Variants in MACROD2 observed in about 807,000 individuals in gnomAD.
MACROD2 encodes the protein mono-ADP ribosylhydrolase 2, also known as ADP-ribose glycohydrolase MACROD2.
In MACROD2, 36 loss-of-function variants were observed where a neutral mutation model predicts 70.4. The observed-to-expected ratio is 0.51, with a 90% CI of 0.39 to 0.68. The LOEUF (loss-of-function observed/expected upper bound fraction) is 0.68, where lower values mean the gene tolerates loss of function less well. Among genes scored for constraint, MACROD2 ranks in the 30% least tolerant of loss-of-function variants. The pLI is 0.00. For missense variants in MACROD2, 496 were observed against 538.4 expected (o/e 0.92, Z 0.78); for synonymous variants, 172 against 178.8 (o/e 0.96, Z 0.30).
intron 5 of MACROD2, among the ~76,000 whole-genome samples, chr20:14,782,992 A>G (rs1193698127): frequency 2.0e-5 from 3 of 152,114 alleles, no homozygotes; most frequent in Non-Finnish European, 2.9e-5. Context: ...TACCTCTCAG[A>G]AGCCAGGGAG....
intron 6 of MACROD2, among the ~76,000 whole-genome samples, chr20:15,264,477 C>T (rs563383678): frequency 2.0e-5 from 3 of 152,206 alleles, no homozygotes; most frequent in African/African-American, 7.2e-5. Flanking sequence ...TGAGGTCCCA[C>T]AGAGTGTGAG....
chr20:15,726,507 CTA>C (rs2050864455), intron 8 of MACROD2, among the ~76,000 whole-genome samples: 1 of 152,148 alleles, frequency 6.6e-6, no homozygotes, highest in Non-Finnish European at 1.5e-5. Flanking sequence ...AATTGCCACA[CTA>C]CTGTGCACGG....
intron 4 of MACROD2, among the ~76,000 whole-genome samples, chr20:14,587,529 T>C (rs528021503): frequency 1.1e-4 from 17 of 151,952 alleles, no homozygotes; most frequent in African/African-American, 4.1e-4. Flanking sequence ...TTAATCTTTT[T>C]AAGTTCCAGG....
rs565171956 is a variant in MACROD2 at position 15,719,173 on chromosome 20, A to G, written c.646-143572A>G. On this transcript the variant is annotated intron_variant, in intron 8 of 17. Transcript: ENST00000684519. ...TATTTATTTCTTGTTCAGGTTGTAA[A>G]TATTAGAAATTTATGGATGATGATT... 2.6e-5 allele frequency among the ~76,000 whole-genome samples: 4 copies of G among 152,296 alleles called. No homozygotes were observed. In the South Asian group the frequency reaches 8.3e-4, roughly 32 times the overall value.
chr20:15,541,838 A>G (rs181260608), intron 8 of MACROD2, among the ~76,000 whole-genome samples: 5 of 152,184 alleles, frequency 3.3e-5, no homozygotes, highest in African/African-American at 1.2e-4. Flanking sequence ...TCAATAGCCC[A>G]TAACTCCATG....
chr20:14,930,508 C>T (rs1458930080), intron 5 of MACROD2, among the ~76,000 whole-genome samples: 1 of 152,106 alleles, frequency 6.6e-6, no homozygotes, highest in Non-Finnish European at 1.5e-5. Flanking sequence ...CTTGCCTTCT[C>T]TTTACTTTAG....
intron 6 of MACROD2, among the ~76,000 whole-genome samples, chr20:15,378,912 T>C (rs2045603260): frequency 6.6e-6 from 1 of 152,196 alleles, no homozygotes; most frequent in Non-Finnish European, 1.5e-5. Context: ...GATGACTGCA[T>C]GGTGACTCTC....
chr20:14,516,088 A>AATAT (rs1245932910), intron 4 of MACROD2, among the ~76,000 whole-genome samples: 2 of 149,966 alleles, frequency 1.3e-5, no homozygotes, highest in East Asian at 3.9e-4. Context: ...TAAATAAATA[A>AATAT]ATAAGAAAGA....
intron 5 of MACROD2, among the ~76,000 whole-genome samples, chr20:14,705,098 G>A (rs1316081128): frequency 6.6e-6 from 1 of 151,874 alleles, no homozygotes; most frequent in East Asian, 1.9e-4. Context: ...TGTGTGACAA[G>A]AGCAATTATA....
chr20:15,051,495 G>A (rs967101824), intron 5 of MACROD2, among the ~76,000 whole-genome samples: 6 of 151,910 alleles, frequency 3.9e-5, no homozygotes, highest in African/African-American at 1.5e-4. Flanking sequence ...CCTGGCAGTG[G>A]CCGAAGCCGC....
At chr20:15,832,879 C>T (rs1444657062) in intron 8 of MACROD2, among the ~76,000 whole-genome samples, 2 of 152,204 alleles carry the variant, frequency 1.3e-5, no homozygotes, top group East Asian at 1.9e-4. Context: ...TTGCCAGGCT[C>T]TTATAATTGC....
chr20:15,637,916 G>T (rs112126665), intron 8 of MACROD2, among the ~76,000 whole-genome samples: 25 of 152,266 alleles, frequency 1.6e-4, no homozygotes, highest in African/African-American at 5.8e-4. Flanking sequence ...TTTACATAAA[G>T]ACTTGGCTTA....
At chr20:14,357,136 T>C (rs2083179929) in intron 3 of MACROD2, among the ~76,000 whole-genome samples, 1 of 152,070 alleles carries the variant, frequency 6.6e-6, no homozygotes, top group Admixed American at 6.6e-5. Context: ...ATGTGAGGAG[T>C]GTTGGGCACA....
chr20:14,057,412 G>A (rs2053643208), intron 2 of MACROD2, among the ~76,000 whole-genome samples: 1 of 152,092 alleles, frequency 6.6e-6, no homozygotes, highest in African/African-American at 2.4e-5. Context: ...TCCTACATCA[G>A]TATAAAGGAC....
chr20:15,668,835 G>C (rs528939232), intron 8 of MACROD2, among the ~76,000 whole-genome samples: 3 of 152,168 alleles, frequency 2.0e-5, no homozygotes, highest in Admixed American at 6.5e-5. Flanking sequence ...CACTCCAGTA[G>C]GGTTAGCAAA....
intron 8 of MACROD2, among the ~76,000 whole-genome samples, chr20:15,766,732 A>G (rs776707610): frequency 6.6e-5 from 10 of 152,192 alleles, no homozygotes; most frequent in Non-Finnish European, 1.3e-4. Context: ...ATTTGCAACA[A>G]TTCTTTTCTT....
intron 5 of MACROD2, among the ~76,000 whole-genome samples, chr20:14,840,840 T>C (rs1177408554): frequency 1.3e-5 from 2 of 152,044 alleles, no homozygotes; most frequent in Admixed American, 6.6e-5. Context: ...TCTGATAGGT[T>C]TCAGGATGAA....
intron 6 of MACROD2, among the ~76,000 whole-genome samples, chr20:15,428,323 G>T (rs1240834386): frequency 6.6e-6 from 1 of 152,100 alleles, no homozygotes; most frequent in African/African-American, 2.4e-5. Context: ...GCTATCTTCT[G>T]GCTTTCCCTT....
chr20:15,773,833 C>T (rs1367386453), intron 8 of MACROD2, among the ~76,000 whole-genome samples: 1 of 152,102 alleles, frequency 6.6e-6, no homozygotes, highest in African/African-American at 2.4e-5. Context: ...CACCACTGAT[C>T]TCGAAGAAAA....
Sources: gnomAD v4.1 joint callset for allele counts (sites outside exome capture counted in the v4.1 genomes callset) on GRCh38, gnomAD v4.1.1 for gene constraint, MANE v1.5 for transcripts, NCBI Gene and HGNC (gene_info 2026-07-23, HGNC 2026-07-21) for gene names.